The following PRCP variants were observed in gnomAD, a reference collection of about 807,000 sequenced individuals.
PRCP encodes prolylcarboxypeptidase.
Under a neutral mutation model 54.2 loss-of-function variants are expected in PRCP, and 46 were observed. The ratio of observed to expected loss-of-function variants is 0.85; its 90% CI spans 0.67 to 1.09. The LOEUF is 1.09. PRCP is among the 50% of genes least tolerant of loss of function. The probability of loss-of-function intolerance (pLI) is 0.00; values close to 1 mark genes in which losing one functional copy is unlikely to be tolerated. For synonymous variants in PRCP, 240 were observed against 212.2 expected (o/e 1.13, Z -1.14); for missense variants, 613 against 596.8 (o/e 1.03, Z -0.28).
chr11:82,848,783 T>C (rs112651944), intron 6 of PRCP, among the ~76,000 whole-genome samples: 2,344 of 152,338 alleles, frequency 0.015, 58 homozygotes, highest in African/African-American at 0.053. Flanking sequence ...ACAGCAACTT[T>C]AGGTATTATT....
Position 82,839,259 on chromosome 11 carries a change from A to T in PRCP, c.1086+2T>A. The stretch of plus-strand genomic sequence containing the variant: ...CCACTTGGGGAAATTATACATATTT[A>T]CCTGATAGCTCCAACCCAGTGTTCC... On this transcript the variant is annotated splice_donor_variant, in intron 7 of 8. Coordinates refer to ENST00000313010, the MANE Select transcript of PRCP (RefSeq NM_005040.4). LOFTEE classifies it high-confidence loss of function. 1 of 1,610,166 alleles carries T rather than the reference A, an allele frequency of 6.2e-7. No homozygotes were observed. Among genetic ancestry groups the T allele is most frequent in the African/African-American group, 1.3e-5 (1 of 74,718 alleles).
rs540157532 is a variant in PRCP, at chr11:82,837,678, C to A, written c.1274+709G>T. On this transcript the variant is annotated intron_variant, in intron 8 of 8. Transcript: ENST00000313010. ...TGTTGCTATTTTAATAGCTGACAAC[C>A]TAATGTTCAACTCAAAACATGGAAA... 2.8e-4 allele frequency among the ~76,000 whole-genome samples: 42 copies of A among 152,282 alleles called. No homozygotes were observed. The South Asian group carries it at 8.3e-3, about 30-fold the overall frequency.
intron 8 of PRCP, chr11:82,829,638 G>A (rs1858328445): frequency 6.6e-6 from 1 of 152,026 alleles, no homozygotes; most frequent in East Asian, 1.9e-4. Flanking sequence ...GTTCTATCTT[G>A]TTTCATTTCC....
At chr11:82,838,959 T>G (rs1291953733) in intron 7 of PRCP, among the ~76,000 whole-genome samples, 1 of 152,246 alleles carries the variant, frequency 6.6e-6, no homozygotes, top group Non-Finnish European at 1.5e-5. Context: ...TATCAAGATC[T>G]ATTGAAATAC....
At chr11:82,889,805 T>C (rs922289091) in intron 1 of PRCP, among the ~76,000 whole-genome samples, 1 of 152,202 alleles carries the variant, frequency 6.6e-6, no homozygotes, top group African/African-American at 2.4e-5. Context: ...TACAGGATTT[T>C]GTTCTTAATA....
intron 6 of PRCP, among the ~76,000 whole-genome samples, chr11:82,845,330 T>G (rs1858782083): frequency 6.6e-6 from 1 of 150,660 alleles, no homozygotes; most frequent in African/African-American, 2.4e-5. Flanking sequence ...CACATTTAAA[T>G]AAGAGAAGGA....
intron 6 of PRCP, among the ~76,000 whole-genome samples, chr11:82,841,638 G>T (rs1034615742): frequency 6.6e-6 from 1 of 152,216 alleles, no homozygotes. Context: ...AAAAGTAACT[G>T]TGAGGTCATA....
intron 6 of PRCP, among the ~76,000 whole-genome samples, chr11:82,848,014 T>C (rs1246515817): frequency 2.6e-5 from 4 of 152,224 alleles, no homozygotes; most frequent in Non-Finnish European, 5.9e-5. Flanking sequence ...ATACACTCAC[T>C]GGTCATTCTA....
At chr11:82,861,110 G>A (rs1485095436) in intron 1 of PRCP, among the ~76,000 whole-genome samples, 1 of 152,034 alleles carries the variant, frequency 6.6e-6, no homozygotes, top group African/African-American at 2.4e-5. Context: ...AGGAAAGAAA[G>A]GAAAAGGTTC....
At chr11:82,869,147 G>A (rs562681290) in intron 1 of PRCP, among the ~76,000 whole-genome samples, 14 of 152,050 alleles carry the variant, frequency 9.2e-5, no homozygotes, top group African/African-American at 3.1e-4. Flanking sequence ...CTTGAGCCCA[G>A]GAGTTCAAGA....
At chr11:82,883,089 G>A (rs894193475) in intron 1 of PRCP, among the ~76,000 whole-genome samples, 2 of 152,178 alleles carry the variant, frequency 1.3e-5, no homozygotes, top group African/African-American at 4.8e-5. Context: ...AGCTGATGAA[G>A]GCACACACTG....
chr11:82,842,605 T>C (rs920459048), intron 6 of PRCP, among the ~76,000 whole-genome samples: 4 of 152,204 alleles, frequency 2.6e-5, no homozygotes, highest in Non-Finnish European at 5.9e-5. Flanking sequence ...AAATCTTTCT[T>C]ATATTCTTAA....
intron 8 of PRCP, among the ~76,000 whole-genome samples, chr11:82,835,131 G>A (rs977633043): frequency 7.2e-5 from 11 of 152,134 alleles, no homozygotes; most frequent in African/African-American, 2.7e-4. Context: ...GATAGGTGCA[G>A]CAAACCACCA....
intron 1 of PRCP, among the ~76,000 whole-genome samples, chr11:82,862,076 C>CA (rs556242097): frequency 0.011 from 1,612 of 141,486 alleles, 15 homozygotes; most frequent in Middle Eastern, 0.029. Context: ...ATTACAAAAT[C>CA]AAAAAAAAAA....
intron 1 of PRCP, among the ~76,000 whole-genome samples, chr11:82,881,716 G>A (rs965091033): frequency 2.6e-5 from 4 of 152,174 alleles, no homozygotes; most frequent in Non-Finnish European, 5.9e-5. Flanking sequence ...AAATGTCTTG[G>A]TGATTGACTG....
chr11:82,850,097 G>T (rs868202130), intron 4 of PRCP, 26 bp from the exon 5 acceptor site: 6 of 1,225,802 alleles, frequency 4.9e-6, no homozygotes, highest in Non-Finnish European at 6.2e-6. Flanking sequence ...ATCAAAGAAA[G>T]AAAAAAGAAA....
At chr11:82,865,206 C>T (rs774108991) in intron 1 of PRCP, among the ~76,000 whole-genome samples, 9 of 152,100 alleles carry the variant, frequency 5.9e-5, no homozygotes, top group Non-Finnish European at 1.2e-4. Context: ...TGCTTTTAAC[C>T]CCTACCCAAT....
rs553623811 is a variant in PRCP, at chr11:82,876,913, G to T, written c.169-16796C>A. On this transcript the variant is annotated intron_variant, in intron 1 of 8. Coordinates refer to ENST00000313010, the MANE Select transcript of PRCP (RefSeq NM_005040.4). ...GGCAGAGGTTGGAACAGTTTGGAGG[G>T]CTGAGAATAAGATAGGAAAATGTGG... 2.6e-5 allele frequency among the ~76,000 whole-genome samples: 4 copies of T among 152,302 alleles called. No individual in the cohort carries two copies. In the East Asian group the frequency reaches 5.8e-4, roughly 22 times the overall value.
intron 3 of PRCP, among the ~76,000 whole-genome samples, chr11:82,852,259 T>C (rs887427551): frequency 6.6e-6 from 1 of 152,162 alleles, no homozygotes; most frequent in Non-Finnish European, 1.5e-5. Flanking sequence ...AACACAACAT[T>C]TTTACTTATT....
Sources: gnomAD v4.1 joint callset for allele counts (sites outside exome capture counted in the v4.1 genomes callset) on GRCh38, gnomAD v4.1.1 for gene constraint, MANE v1.5 for transcripts, NCBI Gene and HGNC (gene_info 2026-07-23, HGNC 2026-07-21) for gene names.